Variants in ZSWIM5 observed in about 807,000 individuals in gnomAD.
ZSWIM5 encodes zinc finger SWIM domain-containing protein 5.
ZSWIM5 carries 55 observed loss-of-function variants against 119.6 expected under a neutral mutation model. The ratio of observed to expected loss-of-function variants is 0.46; its 90% CI spans 0.37 to 0.58. ZSWIM5 has a LOEUF of 0.58. Ranked by LOEUF, ZSWIM5 falls within the 20% of genes least tolerant of loss-of-function variation. The pLI is 0.00. For synonymous variants in ZSWIM5, 537 were observed against 606.9 expected, an observed-to-expected ratio of 0.88 and a Z score of 1.69; for missense variants, 1,193 against 1,512.8, an observed-to-expected ratio of 0.79 and a Z score of 3.51.
chr1:45,152,695 GA>G (rs1310210762), intron 1 of ZSWIM5, among the ~76,000 whole-genome samples: 1 of 152,050 alleles, frequency 6.6e-6, no homozygotes, highest in African/African-American at 2.4e-5. Context: ...CTGGCCTTGG[GA>G]AAGAATTTAT....
intron 1 of ZSWIM5, among the ~76,000 whole-genome samples, chr1:45,104,488 AC>A (rs1359573125): frequency 6.6e-6 from 1 of 152,210 alleles, no homozygotes; most frequent in Non-Finnish European, 1.5e-5. Context: ...TTTGTAAAGA[AC>A]ACATTTCCCA....
intron 2 of ZSWIM5, among the ~76,000 whole-genome samples, chr1:45,078,040 C>T (rs190664464): frequency 7.9e-5 from 12 of 152,212 alleles, no homozygotes; most frequent in East Asian, 7.7e-4. Context: ...GGTCCTGAGG[C>T]GACATACATC....
chr1:45,066,924 A>C (rs1391125764), intron 2 of ZSWIM5, among the ~76,000 whole-genome samples: 3 of 152,246 alleles, frequency 2.0e-5, no homozygotes, highest in Non-Finnish European at 2.9e-5. Flanking sequence ...AATATATTGC[A>C]TGTGGAATAC....
rs753360092 is a variant in ZSWIM5 at position 45,036,162 on chromosome 1, C to T, written c.2032G>A (p.Gly678Ser). 5.5e-5 allele frequency: 88 copies of T among 1,613,990 alleles called. No homozygotes were observed. The highest frequency in any genetic ancestry group is 6.9e-5 in the Non-Finnish European group (81 of 1,180,038). Residue 678 changes from glycine (G) to serine (S), a missense_variant, in exon 9 of 14, where the codon GGC becomes AGC. Physicochemically the swap from Gly to Ser is moderately conservative, Grantham distance 56 (BLOSUM62 0). Around this residue, in one of 2 missense-constraint regions of ZSWIM5, gnomAD observed 961 missense variants for 1,290.0 expected, o/e 0.74. Coordinates refer to ENST00000359600, the MANE Select transcript of ZSWIM5 (RefSeq NM_020883.2). ...GLGQQRLMPEGLYAQDKVCRN... is the reference protein window; with the variant it reads ...GLGQQRLMPESLYAQDKVCRN... ...CATACCTTGTCCTGTGCGTAGAGGC[C>T]TTCAGGCATTAACCTCTGTTGACCC...
rs1324244526 is a variant in ZSWIM5 at position 45,039,159 on chromosome 1, A to G, written c.1757-86T>C. ...CCTGGGTCTTCTTATCAGTCTCTCC[A>G]GCCTTGACCCTGAGAGTCAAATAAA... On this transcript the variant is annotated intron_variant, in intron 7 of 13. Transcript: ENST00000359600. 2.7e-6 allele frequency: 4 copies of G among 1,496,954 alleles called. 1 individual carries two copies. In the Middle Eastern group the frequency reaches 5.3e-4, roughly 197 times the overall value. The allele number at this position is 1,496,954 out of a possible 1,614,324, so 92.7% of individuals were successfully genotyped here.
intron 2 of ZSWIM5, among the ~76,000 whole-genome samples, chr1:45,070,708 T>C (rs939265616): frequency 1.3e-5 from 2 of 152,256 alleles, no homozygotes; most frequent in Non-Finnish European, 2.9e-5. Flanking sequence ...TTCCACACTG[T>C]TGACCATTCA....
intron 1 of ZSWIM5, among the ~76,000 whole-genome samples, chr1:45,120,365 T>C (rs946822318): frequency 1.3e-5 from 2 of 152,092 alleles, no homozygotes; most frequent in Non-Finnish European, 2.9e-5. Flanking sequence ...ACACTGCAAA[T>C]TGACACTAAT....
At chr1:45,131,704 G>T (rs994311132) in intron 1 of ZSWIM5, among the ~76,000 whole-genome samples, 2 of 106,604 alleles carry the variant, frequency 1.9e-5, no homozygotes, top group African/African-American at 7.5e-5. Context: ...CAGCCTGGGA[G>T]ACAAAGCAAG....
intron 1 of ZSWIM5, among the ~76,000 whole-genome samples, chr1:45,102,632 T>G (rs1430135438): frequency 6.6e-6 from 1 of 152,210 alleles, no homozygotes; most frequent in East Asian, 1.9e-4. Flanking sequence ...TGTGTATGGA[T>G]GAATGAATAA....
intron 1 of ZSWIM5, among the ~76,000 whole-genome samples, chr1:45,187,554 C>T (rs764591426): frequency 6.6e-6 from 1 of 151,452 alleles, no homozygotes; most frequent in Non-Finnish European, 1.5e-5. Context: ...GCTATACTAT[C>T]AAAAGAAAGA....
chr1:45,107,235 G>A (rs1346883881), intron 1 of ZSWIM5, among the ~76,000 whole-genome samples: 1 of 151,842 alleles, frequency 6.6e-6, no homozygotes, highest in African/African-American at 2.4e-5. Context: ...AGACTGAGAT[G>A]TTATTTTCGT....
intron 1 of ZSWIM5, among the ~76,000 whole-genome samples, chr1:45,184,100 A>T (rs1338433788): frequency 6.6e-6 from 1 of 152,238 alleles, no homozygotes; most frequent in East Asian, 1.9e-4. Flanking sequence ...CAATATACAC[A>T]AATCAATAAA....
At chr1:45,096,608 T>C (rs1396592716) in intron 1 of ZSWIM5, among the ~76,000 whole-genome samples, 2 of 152,018 alleles carry the variant, frequency 1.3e-5, no homozygotes, top group Non-Finnish European at 2.9e-5. Flanking sequence ...GAGCAGGCCC[T>C]GCATAAAGCA....
intron 2 of ZSWIM5, chr1:45,070,346 C>CG: frequency 7.1e-7 from 1 of 1,409,266 alleles, no homozygotes; most frequent in Non-Finnish European, 1.0e-6. Flanking sequence ...TCATGGCCAA[C>CG]GGCATGGGCA....
At chr1:45,125,902 C>T (rs1263473841) in intron 1 of ZSWIM5, among the ~76,000 whole-genome samples, 3 of 150,502 alleles carry the variant, frequency 2.0e-5, no homozygotes, top group Admixed American at 6.6e-5. Context: ...CTTATCTCTA[C>T]AAAAAAATTT....
intron 1 of ZSWIM5, among the ~76,000 whole-genome samples, chr1:45,106,381 AC>A (rs1645478384): frequency 1.9e-5 from 1 of 52,834 alleles, no homozygotes; most frequent in Non-Finnish European, 3.7e-5. Context: ...CTGCCCGGCC[AC>A]CCCATCTGGG....
chr1:45,044,784 T>A (rs1431303785), intron 5 of ZSWIM5, among the ~76,000 whole-genome samples: 22 of 2,016 alleles, frequency 0.011, 3 homozygotes, highest in Admixed American at 0.024. Flanking sequence ...TAAATATATA[T>A]ATATAAATAT....
chr1:45,184,062 G>A (rs981388250), intron 1 of ZSWIM5, among the ~76,000 whole-genome samples: 12 of 152,090 alleles, frequency 7.9e-5, no homozygotes, highest in African/African-American at 2.7e-4. Context: ...GATCAAGTGG[G>A]CTTCATCCCT....
chr1:45,041,787 C>G (rs919573429), intron 6 of ZSWIM5, among the ~76,000 whole-genome samples: 8 of 152,222 alleles, frequency 5.3e-5, no homozygotes, highest in Middle Eastern at 3.2e-3. Context: ...ATCCACCCAC[C>G]TCAGCCTCTC....
Sources: allele counts gnomAD v4.1 joint callset (sites outside exome capture counted in the v4.1 genomes callset), GRCh38; gene constraint gnomAD v4.1.1; regional missense constraint gnomAD v4.1.1; transcripts MANE v1.5; gene names NCBI Gene and HGNC (gene_info 2026-07-23, HGNC 2026-07-21).